Variants in BBC3 observed in about 807,000 individuals in gnomAD.
BBC3 encodes bcl-2-binding component 3.
In BBC3, 5 loss-of-function variants were observed where a neutral mutation model predicts 18.2. That is an observed-to-expected ratio of 0.27 (90% confidence interval 0.14 to 0.58). The LOEUF (loss-of-function observed/expected upper bound fraction) is 0.58. BBC3 is among the 20% of genes least tolerant of loss of function. BBC3 has a pLI of 0.91. For missense variants in BBC3, 224 were observed against 268.9 expected, an observed-to-expected ratio of 0.83 and a Z score of 1.17; for synonymous variants, 119 against 128.0, an observed-to-expected ratio of 0.93 and a Z score of 0.47.
At position 47,224,796 on chromosome 19, in the gene BBC3, TCTC is replaced by T. The variant is rs1052718834; in HGVS notation, c.465+1765_465+1767del. Reference sequence around the variant, plus strand: ...TCCAGGCTGGAGTGCAGTGGCATGATCTCCTGATCTCGGCTCACTGCAACCTCC... The same window carrying T: ...TCCAGGCTGGAGTGCAGTGGCATGATCTGATCTCGGCTCACTGCAACCTCC... On this transcript the variant is annotated intron_variant, in intron 3 of 3. Transcript: ENST00000439096. Among the ~76,000 whole-genome samples the T allele has an allele frequency of 3.2e-3, 480 of 150,394 alleles. 3 individuals are homozygous for T. Among genetic ancestry groups the T allele is most frequent in the African/African-American group, 0.011 (456 of 40,882 alleles).
rs891192064 is a variant in BBC3 at position 47,221,570 on chromosome 19, C to T, written c.*232G>A. 1.3e-5 allele frequency: 11 copies of T among 843,168 alleles called. No individual in the cohort carries two copies. The highest frequency in any genetic ancestry group is 7.0e-5 in the South Asian group (4 of 57,264). The allele number at this position is 843,168 out of a possible 1,614,324, so 52.2% of individuals were successfully genotyped here. A position where few individuals can be genotyped will look rare whatever the true frequency, so the allele number is the denominator to read the frequency against. ...ACCTTCCGATGCTGAGTCCATCAGC[C>T]GTCCCTCTCCTGGCTTCTTGGCCAG... On this transcript the variant is annotated 3_prime_UTR_variant, in exon 4 of 4. Coordinates refer to ENST00000439096, the MANE Select transcript of BBC3 (RefSeq NM_014417.5).
In BBC3 at chr19:47,226,741, C is replaced by G; in HGVS notation, c.288G>C (p.Ser96=). ...CCAGGTGCTGCTCCGCCAGCGAGAG[C>G]GAGGGCTGAGGACCTTGGAGAGGCA... ...RGPRPDGPQP[S]LSLAEQHLES... is the part of the protein sequence containing the mutation. Residue 96 remains serine, a synonymous_variant, in exon 3 of 4, where the codon TCG becomes TCC. Transcript: ENST00000439096. The G allele has an allele frequency of 2.1e-6, 3 of 1,407,710 alleles. No individual in the cohort carries two copies. Among genetic ancestry groups the G allele is most frequent in the South Asian group, 1.5e-5 (1 of 65,888 alleles). The allele number at this position is 1,407,710 out of a possible 1,614,324, so 87.2% of individuals were successfully genotyped here.
At position 47,220,938 on chromosome 19, in the gene BBC3, T is replaced by C. The variant is rs533030651; in HGVS notation, c.*864A>G. 1 of 152,372 alleles carries C rather than the reference T, an allele frequency of 6.6e-6. No homozygotes were observed. Among genetic ancestry groups the C allele is most frequent in the South Asian group, 2.1e-4 (1 of 4,836 alleles). 9.4% of individuals were successfully genotyped at this position (152,372 alleles called of 1,614,324 possible). A position where few individuals can be genotyped will look rare whatever the true frequency, so the allele number is the denominator to read the frequency against. On this transcript the variant is annotated 3_prime_UTR_variant, in exon 4 of 4. Coordinates refer to ENST00000439096, the MANE Select transcript of BBC3 (RefSeq NM_014417.5). ...GGTATCTACAGCAGCGCATATACAG[T>C]ATCTTACAGGCTGGGCCATCCCTCC...
At chr19:47,223,142 G>A (rs1161027719) in intron 3 of BBC3, among the ~76,000 whole-genome samples, 1 of 151,086 alleles carries the variant, frequency 6.6e-6, no homozygotes, top group East Asian at 2.0e-4. Context: ...GTGGTGGCGG[G>A]CGCCTGTAGT....
upstream of BBC3, among the ~76,000 whole-genome samples, chr19:47,232,172 T>C (rs577459608): frequency 6.6e-6 from 1 of 152,268 alleles, no homozygotes; most frequent in East Asian, 1.9e-4. Flanking sequence ...ACCAACATGA[T>C]GAAACCCCAT....
rs2058906557 is a variant in BBC3, at chr19:47,230,950, G to A, written c.-37C>T. The A allele has an allele frequency of 5.8e-5, 57 of 984,198 alleles. No individual in the cohort carries two copies. Among genetic ancestry groups the A allele is most frequent in the Non-Finnish European group, 6.8e-5 (56 of 828,848 alleles). The allele number at this position is 984,198 out of a possible 1,614,324, so 61.0% of individuals were successfully genotyped here. On this transcript the variant is annotated 5_prime_UTR_variant, in exon 1 of 4. Coordinates refer to ENST00000439096, the MANE Select transcript of BBC3 (RefSeq NM_014417.5). This position sits in a 1 kb window ranked among gnomAD's most constrained non-coding sequence, Gnocchi z 6.7. ...TCACCCCGGGGGCATGAACACGCCG[G>A]AGGGGGCGGCGGTGGGGGGCGGGCG...
At chr19:47,226,539 C>T in intron 3 of BBC3, 25 bp downstream of exon 3, 1 of 1,501,912 alleles carries the variant, frequency 6.7e-7, no homozygotes, top group Admixed American at 2.2e-5. Flanking sequence ...TCCCACCTGC[C>T]GTCTACCCCA....
chr19:47,224,251 C>T (rs1600238133), intron 3 of BBC3, among the ~76,000 whole-genome samples: 1 of 151,488 alleles, frequency 6.6e-6, no homozygotes, highest in Non-Finnish European at 1.5e-5. Flanking sequence ...GCCGAGATTG[C>T]ACCATTGCAC....
rs767230320 is a variant in BBC3 at position 47,228,354 on chromosome 19, C to A, written c.78G>T (p.Pro26=). The A allele has an allele frequency of 1.7e-4, 206 of 1,229,706 alleles. No individual in the cohort carries two copies. Among genetic ancestry groups the A allele is most frequent in the Non-Finnish European group, 2.0e-4 (199 of 986,952 alleles). 76.2% of individuals were successfully genotyped at this position (1,229,706 alleles called of 1,614,324 possible). Residue 26 remains proline, a synonymous_variant, in exon 2 of 4, where the codon CCG becomes CCT. Coordinates refer to ENST00000439096, the MANE Select transcript of BBC3 (RefSeq NM_014417.5). The surrounding 1 kb of genome is among the most constrained non-coding windows in gnomAD (Gnocchi z 5.5). ...GLARDGPRPF[P]LGRLVPSAVS... ...CTGCCGAGGGCACCAGGCGGCCGAGCGGGAAGGGGCGCGGGCCGTCGCGGG... is the reference window on the plus strand; with the variant it reads ...CTGCCGAGGGCACCAGGCGGCCGAGAGGGAAGGGGCGCGGGCCGTCGCGGG...
chr19:47,221,680 C>T lies in BBC3; in HGVS notation c.*122G>A. Reference sequence around the variant, plus strand: ...TGCCCCGGCCCGCCCCCGGGACAGGCAGGGCTGGGAGTCCAGTATGCTACA... The same window carrying T: ...TGCCCCGGCCCGCCCCCGGGACAGGTAGGGCTGGGAGTCCAGTATGCTACA... On this transcript the variant is annotated 3_prime_UTR_variant, in exon 4 of 4. Coordinates refer to ENST00000439096, the MANE Select transcript of BBC3 (RefSeq NM_014417.5). The T allele has an allele frequency of 6.5e-7, 1 of 1,537,742 alleles. No individual in the cohort carries two copies. The highest frequency in any genetic ancestry group is 8.7e-7 in the Non-Finnish European group (1 of 1,148,880).
intron 3 of BBC3, among the ~76,000 whole-genome samples, chr19:47,224,244 G>A (rs1323427054): frequency 2.6e-5 from 4 of 152,012 alleles, no homozygotes; most frequent in Admixed American, 6.6e-5. Flanking sequence ...GCAATGGGCC[G>A]AGATTGCACC....
rs1172647967 is a variant in BBC3, at chr19:47,220,874, CA to C, written c.*927del. 1 of 152,186 alleles carries C rather than the reference CA, an allele frequency of 6.6e-6. No individual in the cohort carries two copies. Among genetic ancestry groups the C allele is most frequent in the Non-Finnish European group, 1.5e-5 (1 of 68,016 alleles). The allele number at this position is 152,186 out of a possible 1,614,324, so 9.4% of individuals were successfully genotyped here. Reference sequence around the variant, plus strand: ...AAAGGAAACATACAAAAATCATGTACAAAAAAAATTAACCAAACATGTACAG... The same window carrying C: ...AAAGGAAACATACAAAAATCATGTACAAAAAAATTAACCAAACATGTACAG... On this transcript the variant is annotated 3_prime_UTR_variant, in exon 4 of 4. Transcript: ENST00000439096.
At position 47,221,262 on chromosome 19, in the gene BBC3, G is replaced by C. The variant is rs919788508; in HGVS notation, c.*540C>G. Reference sequence around the variant, plus strand: ...CCGGCTGGCTCAGGGAAGATGGCTGGGCGCCGGGCTGGAGCAACCGGCAAA... The same window carrying C: ...CCGGCTGGCTCAGGGAAGATGGCTGCGCGCCGGGCTGGAGCAACCGGCAAA... On this transcript the variant is annotated 3_prime_UTR_variant, in exon 4 of 4. Coordinates refer to ENST00000439096, the MANE Select transcript of BBC3 (RefSeq NM_014417.5). The C allele has an allele frequency of 5.7e-6, 1 of 174,000 alleles. No individual in the cohort carries two copies. Among genetic ancestry groups the C allele is most frequent in the African/African-American group, 2.4e-5 (1 of 41,626 alleles). 10.8% of individuals were successfully genotyped at this position (174,000 alleles called of 1,614,324 possible). A position where few individuals can be genotyped will look rare whatever the true frequency, so the allele number is the denominator to read the frequency against.
chr19:47,224,907 TTTTG>T (rs1465096510), intron 3 of BBC3, among the ~76,000 whole-genome samples: 1 of 148,836 alleles, frequency 6.7e-6, no homozygotes, highest in Non-Finnish European at 1.5e-5. Context: ...CTCAGCTACT[TTTTG>T]TTTCTTTTTT....
chr19:47,226,806 A>AG (rs1278472381), intron 2 of BBC3, 52 bp from the exon 3 acceptor site: 20 of 1,350,178 alleles, frequency 1.5e-5, no homozygotes, highest in Admixed American at 3.7e-5. Flanking sequence ...CCAGGCCTCG[A>AG]GGTGTCTCGG....
intron 3 of BBC3, among the ~76,000 whole-genome samples, chr19:47,225,058 T>A (rs2058795995): frequency 1.3e-5 from 2 of 152,088 alleles, no homozygotes; most frequent in Non-Finnish European, 1.5e-5. Context: ...ATTACAGGCA[T>A]GTGCCACCAC....
upstream of BBC3, chr19:47,232,671 T>A: frequency 1.4e-6 from 2 of 1,402,480 alleles, no homozygotes; most frequent in Non-Finnish European, 1.9e-6. Flanking sequence ...CTGCTCTGGT[T>A]TGGTGAGTTT....
intron 3 of BBC3, among the ~76,000 whole-genome samples, chr19:47,224,203 G>A (rs1288837161): frequency 2.0e-5 from 3 of 152,142 alleles, no homozygotes; most frequent in South Asian, 2.1e-4. Flanking sequence ...GCTGAGGCAG[G>A]AGAATCACTT....
chr19:47,225,813 G>A (rs1179055597), intron 3 of BBC3, among the ~76,000 whole-genome samples: 3 of 152,098 alleles, frequency 2.0e-5, no homozygotes, highest in African/African-American at 4.8e-5. Context: ...TGGTAAATAC[G>A]GAGTAAAAGC....
Sources: allele counts gnomAD v4.1 joint callset (sites outside exome capture counted in the v4.1 genomes callset), GRCh38; gene constraint gnomAD v4.1.1; non-coding constraint Gnocchi (gnomAD v3.1); transcripts MANE v1.5; gene names NCBI Gene and HGNC (gene_info 2026-07-23, HGNC 2026-07-21).